FHOD3: variants seen among roughly 807,000 people sequenced by gnomAD.
FHOD3 encodes FH1/FH2 domain-containing protein 3.
A neutral mutation model predicts 173.0 loss-of-function variants in FHOD3; 90 were observed. The observed-to-expected ratio is 0.52, with a 90% CI of 0.44 to 0.62. The LOEUF (loss-of-function observed/expected upper bound fraction) is 0.62, where lower values mean the gene tolerates loss of function less well. Ranked by LOEUF, FHOD3 falls within the 20% of genes least tolerant of loss-of-function variation. The pLI is 0.00. For missense variants in FHOD3, 1,945 were observed against 2,034.7 expected (o/e 0.96, Z 0.85); for synonymous variants, 828 against 823.0 (o/e 1.01, Z -0.10).
At chr18:36,575,391 G>A (rs571935410) in intron 5 of FHOD3, among the ~76,000 whole-genome samples, 68 of 152,184 alleles carry the variant, frequency 4.5e-4, no homozygotes, top group East Asian at 3.5e-3. Flanking sequence ...TCTAATCAAC[G>A]TATTTCATGT....
At chr18:36,316,953 T>A (rs1273928173) in intron 1 of FHOD3, among the ~76,000 whole-genome samples, 1 of 151,778 alleles carries the variant, frequency 6.6e-6, no homozygotes, top group African/African-American at 2.4e-5. Context: ...AGCTCCCACT[T>A]ATGAGTGAGA....
At chr18:36,464,742 G>C (rs1397456813) in intron 3 of FHOD3, among the ~76,000 whole-genome samples, 1 of 151,764 alleles carries the variant, frequency 6.6e-6, no homozygotes, top group African/African-American at 2.4e-5. Context: ...AGGCAAAGGG[G>C]GAGGGAGGTC....
In FHOD3 at chr18:36,486,596, A is replaced by C. The variant is rs544553087; in HGVS notation, c.338-15336A>C. Reference sequence around the variant, plus strand: ...GGATGGTATTATCTAGAAAGGAAACAAGTTATTTAAGGTCAATATTTAAGA... The same window carrying C: ...GGATGGTATTATCTAGAAAGGAAACCAGTTATTTAAGGTCAATATTTAAGA... On this transcript the variant is annotated intron_variant, in intron 3 of 28. Transcript: ENST00000590592. Among the ~76,000 whole-genome samples the C allele has an allele frequency of 2.0e-5, 3 of 152,356 alleles. No homozygotes were observed. The South Asian group carries it at 6.2e-4, about 32-fold the overall frequency.
intron 6 of FHOD3, among the ~76,000 whole-genome samples, chr18:36,580,458 G>A (rs1169158439): frequency 6.6e-6 from 1 of 152,222 alleles, no homozygotes; most frequent in Non-Finnish European, 1.5e-5. Context: ...TGTTGGAAAG[G>A]AGAATTCTGG....
intron 10 of FHOD3, among the ~76,000 whole-genome samples, chr18:36,640,967 A>C (rs2035261655): frequency 6.6e-6 from 1 of 152,146 alleles, no homozygotes. Context: ...TCTTACTGGC[A>C]ACCTGTTTGG....
At position 36,691,835 on chromosome 18, in the gene FHOD3, T is replaced by C. The variant is rs185095797; in HGVS notation, c.2022-1374T>C. Among the ~76,000 whole-genome samples the C allele has an allele frequency of 4.7e-4, 71 of 152,342 alleles. 1 individual carries two copies. The highest frequency in any genetic ancestry group is 1.6e-3 in the Admixed American group (24 of 15,310). On this transcript the variant is annotated intron_variant, in intron 16 of 28. Coordinates refer to ENST00000590592, the MANE Select transcript of FHOD3 (RefSeq NM_001281740.3). Reference sequence around the variant, plus strand: ...TGCCTGCTTCCCATCAGCCTGCAAATGCAAGGCACCGAGGGAAAGAACAGA... The same window carrying C: ...TGCCTGCTTCCCATCAGCCTGCAAACGCAAGGCACCGAGGGAAAGAACAGA...
At chr18:36,516,981 CT>C in intron 5 of FHOD3, among the ~76,000 whole-genome samples, 1 of 151,014 alleles carries the variant, frequency 6.6e-6, no homozygotes, top group Admixed American at 6.7e-5. Flanking sequence ...ACACAGCCCC[CT>C]CTCAGCATTT....
chr18:36,594,716 G>A (rs377529716), intron 6 of FHOD3, 71 bp from the exon 7 acceptor site: 48 of 1,060,942 alleles, frequency 4.5e-5, no homozygotes, highest in African/African-American at 2.7e-4. Context: ...TGCCCGCTGC[G>A]GTTAGGAAGA....
chr18:36,373,884 GTCTC>G (rs2047311332), intron 3 of FHOD3, among the ~76,000 whole-genome samples: 1 of 152,106 alleles, frequency 6.6e-6, no homozygotes, highest in Admixed American at 6.5e-5. Flanking sequence ...TATAAATCAT[GTCTC>G]TCTAAAGGAA....
At chr18:36,496,213 A>G (rs2054736582) in intron 3 of FHOD3, among the ~76,000 whole-genome samples, 1 of 152,196 alleles carries the variant, frequency 6.6e-6, no homozygotes, top group African/African-American at 2.4e-5. Flanking sequence ...CAAGGAACCC[A>G]GGCCCTGGGC....
rs1450519672 is a variant in FHOD3, at chr18:36,354,688, C to G, written c.166-851C>G. Among the ~76,000 whole-genome samples the G allele has an allele frequency of 3.9e-5, 6 of 152,196 alleles. No homozygotes were observed. In the South Asian group the frequency reaches 6.2e-4, roughly 16 times the overall value. On this transcript the variant is annotated intron_variant, in intron 1 of 28. Transcript: ENST00000590592. ...AGGCATGGTGGTGGGTGCCTGTAAT[C>G]CCAGCTACTTGGGAAGCTGAGGCAG...
intron 8 of FHOD3, among the ~76,000 whole-genome samples, chr18:36,609,864 A>AC (rs1050415105): frequency 6.6e-6 from 1 of 151,488 alleles, no homozygotes; most frequent in African/African-American, 2.4e-5. Flanking sequence ...ACCTGCCTCA[A>AC]CCCCCCAAAA....
intron 23 of FHOD3, among the ~76,000 whole-genome samples, chr18:36,744,561 T>G (rs1381253239): frequency 6.6e-6 from 1 of 152,238 alleles, no homozygotes. Context: ...AATTTGGCTC[T>G]TCCTGAGATG....
intron 5 of FHOD3, among the ~76,000 whole-genome samples, chr18:36,548,711 T>C (rs2057517129): frequency 6.6e-6 from 1 of 152,244 alleles, no homozygotes; most frequent in Non-Finnish European, 1.5e-5. Context: ...ATTGTCTGGC[T>C]TCTTTCACTC....
At chr18:36,763,441 A>T (rs1255156620) in intron 27 of FHOD3, among the ~76,000 whole-genome samples, 1 of 147,916 alleles carries the variant, frequency 6.8e-6, no homozygotes, top group African/African-American at 2.5e-5. Flanking sequence ...TATACACGTT[A>T]TATATAATAT....
intron 1 of FHOD3, among the ~76,000 whole-genome samples, chr18:36,318,354 A>T (rs902931574): frequency 7.9e-5 from 12 of 152,358 alleles, no homozygotes; most frequent in Admixed American, 7.8e-4. Flanking sequence ...CTTCCTATAC[A>T]TGAGCATGGA....
At chr18:36,570,075 G>C (rs571150746) in intron 5 of FHOD3, among the ~76,000 whole-genome samples, 1 of 151,884 alleles carries the variant, frequency 6.6e-6, no homozygotes, top group Non-Finnish European at 1.5e-5. Context: ...GAAGTTGAAA[G>C]CGGAGAAAAA....
At chr18:36,394,533 G>C (rs181460238) in intron 3 of FHOD3, among the ~76,000 whole-genome samples, 42 of 152,284 alleles carry the variant, frequency 2.8e-4, no homozygotes, top group Non-Finnish European at 5.4e-4. Context: ...TGAACTTACA[G>C]ATCTAAGTGT....
chr18:36,483,753 G>A (rs904395185), intron 3 of FHOD3, among the ~76,000 whole-genome samples: 2 of 152,184 alleles, frequency 1.3e-5, no homozygotes, highest in Middle Eastern at 3.4e-3. Flanking sequence ...CATACATTTC[G>A]CCATCGGAGA....
Sources: gnomAD v4.1 joint callset for allele counts (sites outside exome capture counted in the v4.1 genomes callset) on GRCh38, gnomAD v4.1.1 for gene constraint, MANE v1.5 for transcripts, NCBI Gene and HGNC (gene_info 2026-07-23, HGNC 2026-07-21) for gene names.